The following ADGRV1 variants were observed in gnomAD, a reference collection of about 807,000 sequenced individuals.
ADGRV1 encodes the protein adhesion G protein-coupled receptor V1.
In ADGRV1, 359 loss-of-function variants were observed where a neutral mutation model predicts 596.2. The ratio of observed to expected loss-of-function variants is 0.60; its 90% CI spans 0.55 to 0.66. The LOEUF is 0.66. Ranked by LOEUF, ADGRV1 falls within the 30% of genes least tolerant of loss-of-function variation. The pLI is 0.00. For synonymous variants in ADGRV1, 2,681 were observed against 2,679.2 expected (o/e 1.00, Z -0.02); for missense variants, 7,274 against 7,575.6 (o/e 0.96, Z 1.48).
intron 39 of ADGRV1, among the ~76,000 whole-genome samples, chr5:90,710,068 C>G (rs113514860): frequency 7.2e-5 from 11 of 152,156 alleles, no homozygotes; most frequent in Non-Finnish European, 1.3e-4. Flanking sequence ...GCTTTTTAGC[C>G]TCTTGTCTGA....
intron 17 of ADGRV1, among the ~76,000 whole-genome samples, chr5:90,649,678 G>A (rs958010607): frequency 1.3e-5 from 2 of 151,984 alleles, no homozygotes; most frequent in African/African-American, 2.4e-5. Flanking sequence ...TAGTAGAGAC[G>A]GGGTTTCATC....
chr5:90,716,517 A>C lies in ADGRV1; in HGVS notation c.9235A>C (p.Asn3079His). 1 of 1,611,142 alleles carries C rather than the reference A, an allele frequency of 6.2e-7. No individual in the cohort carries two copies. The highest frequency in any genetic ancestry group is 8.5e-7 in the Non-Finnish European group (1 of 1,178,210). ...TGACGGCCCTGGAGTTCTATCATTTAACAACAGTGAGCACTTTTTCCTAAG... is the reference window on the plus strand; with the variant it reads ...TGACGGCCCTGGAGTTCTATCATTTCACAACAGTGAGCACTTTTTCCTAAG... Reference protein sequence around the residue: ...NDDGPGVLSFNNSEHFFLREP... With the variant: ...NDDGPGVLSFHNSEHFFLREP... Residue 3079 changes from asparagine to histidine, a missense_variant, in exon 43 of 90, where the codon AAC becomes CAC. Around this residue, in one of 5 missense-constraint regions of ADGRV1, gnomAD observed 3,643 missense variants for 3,809.2 expected, o/e 0.96. Transcript: ENST00000405460.
intron 85 of ADGRV1, among the ~76,000 whole-genome samples, chr5:90,998,911 A>G (rs1781633850): frequency 6.6e-6 from 1 of 152,104 alleles, no homozygotes; most frequent in Non-Finnish European, 1.5e-5. Context: ...TTCATTTATC[A>G]TGTACCAGAC....
At chr5:91,005,922 T>C (rs187254341) in intron 85 of ADGRV1, among the ~76,000 whole-genome samples, 1 of 152,264 alleles carries the variant, frequency 6.6e-6, no homozygotes, top group East Asian at 1.9e-4. Flanking sequence ...CAGGAATTTT[T>C]AAATCCCTGG....
intron 59 of ADGRV1, among the ~76,000 whole-genome samples, chr5:90,770,105 A>G (rs766314672): frequency 6.0e-4 from 92 of 152,314 alleles, no homozygotes; most frequent in Non-Finnish European, 1.0e-3. Context: ...GGTAATTTAT[A>G]AAGGAAAGGA....
chr5:90,657,237 C>T (rs1278068672), intron 20 of ADGRV1, among the ~76,000 whole-genome samples: 1 of 150,896 alleles, frequency 6.6e-6, no homozygotes, highest in African/African-American at 2.4e-5. Flanking sequence ...GCCTGGGCAA[C>T]ATAGCAAGAC....
At chr5:90,725,259 ATTACT>A in intron 47 of ADGRV1, 27 bp downstream of exon 47, 1 of 1,212,902 alleles carries the variant, frequency 8.2e-7, no homozygotes, top group Non-Finnish European at 1.1e-6. Context: ...TTTTAAATAG[ATTACT>A]TTCTTTAAAA....
intron 83 of ADGRV1, among the ~76,000 whole-genome samples, chr5:90,865,020 A>T (rs368855839): frequency 6.6e-6 from 1 of 152,198 alleles, no homozygotes; most frequent in Non-Finnish European, 1.5e-5. Flanking sequence ...ATGGAAAATT[A>T]TCTTAAACAT....
Position 90,625,126 on chromosome 5 carries a change from G to A in ADGRV1, c.559-4G>A. ...TATTGATGGCATTTTGTGTTTCTTTGCAGGTAGAGGGTGGCCCAAATCCCC... is the reference window on the plus strand; with the variant it reads ...TATTGATGGCATTTTGTGTTTCTTTACAGGTAGAGGGTGGCCCAAATCCCC... On this transcript the variant is annotated splice_polypyrimidine_tract_variant and splice_region_variant and intron_variant, in intron 5 of 89. Transcript: ENST00000405460. The A allele has an allele frequency of 6.4e-7, 1 of 1,572,842 alleles. No homozygotes were observed. The highest frequency in any genetic ancestry group is 8.7e-7 in the Non-Finnish European group (1 of 1,145,784).
intron 21 of ADGRV1, among the ~76,000 whole-genome samples, chr5:90,664,040 G>A (rs1455069556): frequency 3.7e-5 from 5 of 136,530 alleles, no homozygotes; most frequent in African/African-American, 1.4e-4. Flanking sequence ...TTGAAGTCAG[G>A]TAGTGTGATG....
At chr5:91,008,672 T>C (rs1414369875) in intron 85 of ADGRV1, among the ~76,000 whole-genome samples, 2 of 151,788 alleles carry the variant, frequency 1.3e-5, no homozygotes, top group African/African-American at 2.4e-5. Context: ...CCCGGCTAAT[T>C]TTTGTGTTTT....
At chr5:90,817,152 C>T (rs895645439) in intron 75 of ADGRV1, among the ~76,000 whole-genome samples, 3 of 152,066 alleles carry the variant, frequency 2.0e-5, no homozygotes, top group African/African-American at 7.2e-5. Flanking sequence ...TTGCATTTCT[C>T]TGATGGCCAG....
intron 83 of ADGRV1, among the ~76,000 whole-genome samples, chr5:90,932,150 A>G (rs142076621): frequency 9.7e-4 from 148 of 152,342 alleles, no homozygotes; most frequent in South Asian, 7.7e-3. Flanking sequence ...GAGAGAATTC[A>G]AGGAAGTGGT....
intron 76 of ADGRV1, among the ~76,000 whole-genome samples, chr5:90,825,233 A>G (rs993948342): frequency 6.6e-6 from 1 of 152,142 alleles, no homozygotes; most frequent in Non-Finnish European, 1.5e-5. Context: ...CAGCATGCCT[A>G]GCCCCCATAT....
At chr5:90,752,656 C>T (rs1381729331) in intron 53 of ADGRV1, among the ~76,000 whole-genome samples, 7 of 152,062 alleles carry the variant, frequency 4.6e-5, no homozygotes, top group African/African-American at 1.7e-4. Context: ...GGCTGCATAC[C>T]TAAAGAAAGA....
chr5:90,872,707 T>C (rs1002535417), intron 83 of ADGRV1, among the ~76,000 whole-genome samples: 6 of 152,152 alleles, frequency 3.9e-5, no homozygotes, highest in African/African-American at 1.2e-4. Context: ...ATTCTGTGAC[T>C]TGCCCCAGGT....
In ADGRV1 at chr5:90,587,564, T is replaced by C. The variant is rs154560; in HGVS notation, c.23-27271T>C. Among the ~76,000 whole-genome samples, 53 of 114,890 alleles carry C rather than the reference T, an allele frequency of 4.6e-4. 1 individual carries two copies. The highest frequency in any genetic ancestry group is 3.4e-3 in the Admixed American group (40 of 11,868). The allele number at this position is 114,890 out of a possible 152,430, so 75.4% of individuals were successfully genotyped here. ...TTTCTCTTTTCTGTGTCTTTTTTTT[T>C]TTTTTTTTTTTAAATGGAGTCTTGC... is the stretch of plus-strand genomic sequence containing the variant. On this transcript the variant is annotated intron_variant, in intron 1 of 89. Coordinates refer to ENST00000405460, the MANE Select transcript of ADGRV1 (RefSeq NM_032119.4).
chr5:90,639,480 A>G (rs939040091), intron 11 of ADGRV1, among the ~76,000 whole-genome samples: 5 of 152,160 alleles, frequency 3.3e-5, no homozygotes, highest in Admixed American at 2.0e-4. Flanking sequence ...TCTTATGTAA[A>G]CATTTGAAAT....
chr5:90,614,674 T>C (rs374590138), intron 1 of ADGRV1, 161 bp from the exon 2 acceptor site: 70 of 689,790 alleles, frequency 1.0e-4, no homozygotes, highest in South Asian at 6.1e-4. Flanking sequence ...TTAACTTCTG[T>C]CGTCACATAT....
Sources: gnomAD v4.1 joint callset for allele counts (sites outside exome capture counted in the v4.1 genomes callset) on GRCh38, gnomAD v4.1.1 for gene constraint, gnomAD v4.1.1 regional missense constraint, MANE v1.5 for transcripts, NCBI Gene and HGNC (gene_info 2026-07-23, HGNC 2026-07-21) for gene names.